Variants in CDA observed in about 807,000 individuals in gnomAD.
The protein encoded by CDA is cytidine aminohydrolase.
A neutral mutation model predicts 15.0 loss-of-function variants in CDA; 7 were observed. That is an observed-to-expected ratio of 0.47 (90% CI 0.26 to 0.87). CDA has a LOEUF of 0.87. CDA is among the 40% of genes least tolerant of loss of function. CDA has a pLI of 0.15. For missense variants in CDA, 159 were observed against 182.7 expected, an observed-to-expected ratio of 0.87 and a Z score of 0.75; for synonymous variants, 58 against 73.0, an observed-to-expected ratio of 0.79 and a Z score of 1.05.
In CDA at chr1:20,618,734, C is replaced by G. The variant is rs541636310; in HGVS notation, c.*166C>G. On this transcript the variant is annotated 3_prime_UTR_variant, in exon 4 of 4. Transcript: ENST00000375071. Reference sequence around the variant, plus strand: ...CTGAGTCAGCACCCCTCCTAGCAACCTGCCTTGGGACTTAGAACACCGCCG... The same window carrying G: ...CTGAGTCAGCACCCCTCCTAGCAACGTGCCTTGGGACTTAGAACACCGCCG... 206 of 648,164 alleles carry G rather than the reference C, an allele frequency of 3.2e-4. No individual in the cohort carries two copies. In the African/African-American group the frequency reaches 3.2e-3, roughly 10 times the overall value. 40.2% of individuals were successfully genotyped at this position (648,164 alleles called of 1,614,324 possible).
intron 1 of CDA, among the ~76,000 whole-genome samples, chr1:20,592,274 T>C (rs996851455): frequency 5.3e-5 from 8 of 152,202 alleles, no homozygotes; most frequent in African/African-American, 1.7e-4. Flanking sequence ...GGTTGGTGCC[T>C]GCGCTGAGTA....
intron 1 of CDA, among the ~76,000 whole-genome samples, chr1:20,594,147 C>G (rs966854709): frequency 6.6e-6 from 1 of 152,226 alleles, no homozygotes; most frequent in Non-Finnish European, 1.5e-5. Flanking sequence ...AGGCTTCCCC[C>G]TCCAAGGCAG....
chr1:20,614,709 C>T (rs2052786356), intron 3 of CDA, among the ~76,000 whole-genome samples: 1 of 152,176 alleles, frequency 6.6e-6, no homozygotes, highest in Non-Finnish European at 1.5e-5. Flanking sequence ...TGAGAAGAGG[C>T]AAGAAGGCCA....
At chr1:20,601,346 A>G (rs1407393646) in intron 1 of CDA, among the ~76,000 whole-genome samples, 1 of 152,246 alleles carries the variant, frequency 6.6e-6, no homozygotes, top group East Asian at 1.9e-4. Flanking sequence ...TAGCAAGGTC[A>G]TAGGAGACAA....
At chr1:20,608,900 C>A (rs775917154) in intron 2 of CDA, among the ~76,000 whole-genome samples, 15 of 152,170 alleles carry the variant, frequency 9.9e-5, no homozygotes, top group Admixed American at 2.6e-4. Flanking sequence ...CATACCCCGG[C>A]CCCTTACAGG....
chr1:20,606,848 G>A (rs10916827), intron 2 of CDA, among the ~76,000 whole-genome samples: 55,377 of 152,044 alleles, frequency 0.36, 10,456 homozygotes, highest in South Asian at 0.47. Flanking sequence ...ATCCAAGCAC[G>A]TAAATTAGCC....
chr1:20,613,275 C>G (rs12737642), intron 2 of CDA, among the ~76,000 whole-genome samples: 36,878 of 151,460 alleles, frequency 0.24, 4,803 homozygotes, highest in African/African-American at 0.32. Flanking sequence ...ACGGTCTTGG[C>G]TCACTGCAAC....
chr1:20,599,534 C>T (rs2052620026), intron 1 of CDA, among the ~76,000 whole-genome samples: 1 of 151,124 alleles, frequency 6.6e-6, no homozygotes, highest in Non-Finnish European at 1.5e-5. Flanking sequence ...GGAGAATCGC[C>T]TGAACCCAGG....
rs773268002 is a variant in CDA, at chr1:20,618,553, G to A, written c.426G>A (p.Leu142=). 6.2e-7 allele frequency: 1 copy of A among 1,603,328 alleles called. No homozygotes were observed. Among genetic ancestry groups the A allele is most frequent in the Non-Finnish European group, 8.5e-7 (1 of 1,170,260 alleles). ...CCTCCTCCTTTGGGCCTGAGGACCT[G>A]CAGAAGACCCAGTGACAGCCAGAGA... The part of the protein sequence containing the change: ...LLPSSFGPED[L]QKTQ Residue 142 remains leucine, a synonymous_variant, in exon 4 of 4, where the codon CTG becomes CTA. Coordinates refer to ENST00000375071, the MANE Select transcript of CDA (RefSeq NM_001785.3).
chr1:20,591,596 T>A (rs1253920), intron 1 of CDA, among the ~76,000 whole-genome samples: 7 of 151,908 alleles, frequency 4.6e-5, no homozygotes, highest in Admixed American at 3.9e-4. Flanking sequence ...GACTGAAGGC[T>A]CGAGCCTCAT....
chr1:20,613,965 C>T (rs923968629), intron 3 of CDA, 66 bp downstream of exon 3: 1 of 1,469,896 alleles, frequency 6.8e-7, no homozygotes, highest in South Asian at 1.1e-5. Context: ...GGGAGCCACG[C>T]CAAGTTGCAG....
intron 2 of CDA, among the ~76,000 whole-genome samples, chr1:20,610,520 T>G (rs2052740616): frequency 6.6e-6 from 1 of 151,950 alleles, no homozygotes; most frequent in Non-Finnish European, 1.5e-5. Context: ...AGGCTGGTCT[T>G]GAACTCCTGA....
At chr1:20,603,593 G>A (rs1570380900) in intron 1 of CDA, among the ~76,000 whole-genome samples, 3 of 152,314 alleles carry the variant, frequency 2.0e-5, no homozygotes, top group Admixed American at 6.5e-5. Context: ...ACACTGTGCT[G>A]CAAGGGAGTC....
intron 1 of CDA, among the ~76,000 whole-genome samples, chr1:20,600,716 T>C (rs1445746418): frequency 7.2e-6 from 1 of 138,684 alleles, no homozygotes; most frequent in Admixed American, 7.6e-5. Context: ...ATTGTGCCAC[T>C]ACACTCCAAC....
intron 2 of CDA, among the ~76,000 whole-genome samples, chr1:20,608,126 A>G (rs1475255098): frequency 6.6e-6 from 1 of 152,202 alleles, no homozygotes; most frequent in Non-Finnish European, 1.5e-5. Context: ...GGAAGCTGTG[A>G]AGAAACATCC....
chr1:20,618,392 G>T (rs2052838437), intron 3 of CDA, 60 bp from the exon 4 acceptor site: 1 of 909,706 alleles, frequency 1.1e-6, no homozygotes, highest in African/African-American at 1.6e-5. Flanking sequence ...CTCAGACCCA[G>T]TCCGTCTCAG....
At chr1:20,609,511 G>A (rs1366028992) in intron 2 of CDA, among the ~76,000 whole-genome samples, 2 of 152,092 alleles carry the variant, frequency 1.3e-5, no homozygotes. Context: ...CAGAAAGGAA[G>A]CGGTGAGCTC....
At chr1:20,603,275 AGTGATATAAACATG>A (rs1331967289) in intron 1 of CDA, among the ~76,000 whole-genome samples, 1 of 152,194 alleles carries the variant, frequency 6.6e-6, no homozygotes, top group Non-Finnish European at 1.5e-5. Context: ...TCCAAGATGC[AGTGATATAAACATG>A]GTGGAATTCT....
At chr1:20,592,752 C>T (rs1012803659) in intron 1 of CDA, among the ~76,000 whole-genome samples, 1 of 152,128 alleles carries the variant, frequency 6.6e-6, no homozygotes, top group African/African-American at 2.4e-5. Context: ...AGGAATGATC[C>T]GAGAGATATT....
Sources: gnomAD v4.1 joint callset for allele counts (sites outside exome capture counted in the v4.1 genomes callset) on GRCh38, gnomAD v4.1.1 for gene constraint, MANE v1.5 for transcripts, NCBI Gene and HGNC (gene_info 2026-07-23, HGNC 2026-07-21) for gene names.